Variants in EXOC2 observed in about 807,000 individuals in gnomAD.
EXOC2 encodes the protein SEC5-like 1.
A neutral mutation model predicts 131.8 loss-of-function variants in EXOC2; 70 were observed. The observed-to-expected ratio is 0.53, with a 90% CI of 0.44 to 0.65. The LOEUF (loss-of-function observed/expected upper bound fraction) is 0.65. Ranked by LOEUF, EXOC2 falls within the 30% of genes least tolerant of loss-of-function variation. The pLI, the probability that EXOC2 is intolerant of heterozygous loss-of-function variation, is 0.00. For missense variants in EXOC2, 923 were observed against 1,108.6 expected (o/e 0.83, Z 2.38); for synonymous variants, 411 against 398.4 (o/e 1.03, Z -0.38).
At chr6:639,243 G>A (rs1161287416) in intron 1 of EXOC2, among the ~76,000 whole-genome samples, 4 of 152,168 alleles carry the variant, frequency 2.6e-5, no homozygotes, top group South Asian at 2.1e-4. Context: ...CAGCAAAGCC[G>A]TGGGACTCAG....
intron 24 of EXOC2, among the ~76,000 whole-genome samples, chr6:498,697 C>T (rs776879350): frequency 2.0e-5 from 3 of 152,270 alleles, no homozygotes; most frequent in East Asian, 1.9e-4. Context: ...TGGTCATATT[C>T]GGGTTTCACT....
At chr6:565,884 A>G (rs1757939656) in intron 13 of EXOC2, among the ~76,000 whole-genome samples, 1 of 152,208 alleles carries the variant, frequency 6.6e-6, no homozygotes, top group Non-Finnish European at 1.5e-5. Flanking sequence ...GTGTAGGGTT[A>G]GTTTATATAA....
chr6:689,259 AT>A (rs36018260), intron 1 of EXOC2: 22,016 of 152,262 alleles, frequency 0.14, 1,762 homozygotes, highest in African/African-American at 0.21. Context: ...AAAAACAAAA[AT>A]AAAGCAAACT....
chr6:526,743 C>T (rs1290360191), intron 23 of EXOC2, among the ~76,000 whole-genome samples: 1 of 152,200 alleles, frequency 6.6e-6, no homozygotes, highest in African/African-American at 2.4e-5. Context: ...CCCGGCTCTT[C>T]GTGGATTTCT....
In EXOC2 at chr6:562,753, T is replaced by C. The variant is rs933851665; in HGVS notation, c.1851+31A>G. 4 of 1,462,624 alleles carry C rather than the reference T, an allele frequency of 2.7e-6. No homozygotes were observed. The African/African-American group carries it at 4.3e-5, about 16-fold the overall frequency. 90.6% of individuals were successfully genotyped at this position (1,462,624 alleles called of 1,614,324 possible). On this transcript the variant is annotated intron_variant, in intron 17 of 27. Transcript: ENST00000230449. ...ACTATTTATTTTAAATACACACTAA[T>C]GACTAATAATTGAAAAGAACTTAAA...
At chr6:673,237 G>A (rs1763952584) in intron 1 of EXOC2, among the ~76,000 whole-genome samples, 2 of 98,954 alleles carry the variant, frequency 2.0e-5, no homozygotes, top group Admixed American at 1.3e-4. Flanking sequence ...GGTGACAAAA[G>A]TGAGACTCCA....
intron 1 of EXOC2, among the ~76,000 whole-genome samples, chr6:674,175 G>C (rs1253502253): frequency 6.6e-6 from 1 of 152,104 alleles, no homozygotes; most frequent in Non-Finnish European, 1.5e-5. Flanking sequence ...AGCCAAATTT[G>C]AATCATTATA....
chr6:654,485 G>A (rs1762968501), intron 1 of EXOC2, among the ~76,000 whole-genome samples: 1 of 152,096 alleles, frequency 6.6e-6, no homozygotes, highest in African/African-American at 2.4e-5. Flanking sequence ...CAAGTATGGT[G>A]GAAGTAGCAG....
At chr6:539,434 C>CTCCCAATAAG (rs1333541921) in intron 22 of EXOC2, among the ~76,000 whole-genome samples, 2 of 152,072 alleles carry the variant, frequency 1.3e-5, no homozygotes, top group East Asian at 3.9e-4. Flanking sequence ...AAGCCACCGC[C>CTCCCAATAAG]CTGCCTTTCT....
At chr6:504,179 T>C (rs1764392489) in intron 23 of EXOC2, among the ~76,000 whole-genome samples, 1 of 152,054 alleles carries the variant, frequency 6.6e-6, no homozygotes, top group South Asian at 2.1e-4. Flanking sequence ...ATGCGAACAC[T>C]GAGAGGAGGC....
chr6:503,363 C>T (rs1374072864), intron 23 of EXOC2, among the ~76,000 whole-genome samples: 1 of 152,064 alleles, frequency 6.6e-6, no homozygotes, highest in African/African-American at 2.4e-5. Context: ...TGTAAGACCC[C>T]AAAGTGCTTA....
chr6:668,211 A>G (rs1357576123), intron 1 of EXOC2, among the ~76,000 whole-genome samples: 1 of 152,118 alleles, frequency 6.6e-6, no homozygotes, highest in African/African-American at 2.4e-5. Context: ...TTAATTTTGG[A>G]AAATTTTTAG....
At chr6:644,368 A>G (rs991914401) in intron 1 of EXOC2, among the ~76,000 whole-genome samples, 9 of 152,144 alleles carry the variant, frequency 5.9e-5, no homozygotes, top group African/African-American at 2.2e-4. Context: ...ATAAAGAACT[A>G]TTTGAGTGGG....
At chr6:569,167 C>T (rs1269257817) in intron 13 of EXOC2, among the ~76,000 whole-genome samples, 1 of 152,078 alleles carries the variant, frequency 6.6e-6, no homozygotes, top group Non-Finnish European at 1.5e-5. Context: ...TCTTAATATT[C>T]ATCAATTATT....
At chr6:688,787 A>C (rs1764782977) in intron 1 of EXOC2, among the ~76,000 whole-genome samples, 1 of 152,164 alleles carries the variant, frequency 6.6e-6, no homozygotes, top group African/African-American at 2.4e-5. Flanking sequence ...GCTATCTGGC[A>C]TGACTTCTGA....
chr6:665,153 T>C (rs1234102108), intron 1 of EXOC2, among the ~76,000 whole-genome samples: 3 of 152,044 alleles, frequency 2.0e-5, no homozygotes, highest in African/African-American at 7.2e-5. Context: ...AAAGAAGATA[T>C]ACAAATGGCC....
intron 22 of EXOC2, among the ~76,000 whole-genome samples, chr6:536,354 A>G (rs1246132374): frequency 6.6e-6 from 1 of 152,180 alleles, no homozygotes; most frequent in Non-Finnish European, 1.5e-5. Flanking sequence ...GAAGGATTAT[A>G]ATACAATACC....
rs1760927171 is a variant in EXOC2 at position 615,185 on chromosome 6, GTGTGT to G, written c.661+2521_661+2525del. ...TTGAAAAGTATATGTGGGTGTGGGT[GTGTGT>G]GTGTGTGTGTGTGTGTGTGTATGTA... On this transcript the variant is annotated intron_variant, in intron 6 of 27. Transcript: ENST00000230449. Among the ~76,000 whole-genome samples the G allele has an allele frequency of 5.8e-5, 7 of 120,994 alleles. No individual in the cohort carries two copies. In the East Asian group the frequency reaches 8.9e-4, roughly 15 times the overall value. 79.4% of individuals were successfully genotyped at this position (120,994 alleles called of 152,430 possible).
chr6:554,317 G>A (rs531185904), intron 20 of EXOC2, among the ~76,000 whole-genome samples: 6 of 152,272 alleles, frequency 3.9e-5, no homozygotes, highest in Admixed American at 1.3e-4. Flanking sequence ...TGGAATTACA[G>A]GCATGAACCA....
Sources: allele counts gnomAD v4.1 joint callset (sites outside exome capture counted in the v4.1 genomes callset), GRCh38; gene constraint gnomAD v4.1.1; transcripts MANE v1.5; gene names NCBI Gene and HGNC (gene_info 2026-07-23, HGNC 2026-07-21).